The following GRID2 variants were observed in gnomAD, a reference collection of about 807,000 sequenced individuals.
GRID2 encodes the protein glutamate receptor ionotropic, delta-2.
GRID2 carries 33 observed loss-of-function variants against 114.8 expected under a neutral mutation model. That is an observed-to-expected ratio of 0.29 (90% confidence interval 0.22 to 0.38). The LOEUF (loss-of-function observed/expected upper bound fraction) is 0.38. Among genes scored for constraint, GRID2 ranks in the 10% least tolerant of loss-of-function variants. GRID2 has a pLI of 1.00. For missense variants in GRID2, 1,184 were observed against 1,257.7 expected, an observed-to-expected ratio of 0.94 and a Z score of 0.89; for synonymous variants, 505 against 449.9, an observed-to-expected ratio of 1.12 and a Z score of -1.55.
chr4:92,346,431 C>G (rs1332034257), intron 1 of GRID2, among the ~76,000 whole-genome samples: 5 of 152,086 alleles, frequency 3.3e-5, no homozygotes, highest in Non-Finnish European at 1.5e-5. Context: ...GTGGTGCAGT[C>G]TCGGCTCACT....
intron 9 of GRID2, among the ~76,000 whole-genome samples, chr4:93,404,890 T>C (rs1385026947): frequency 6.6e-6 from 1 of 152,126 alleles, no homozygotes; most frequent in Non-Finnish European, 1.5e-5. Flanking sequence ...TCAAATATTT[T>C]CTGAAGTATA....
At chr4:93,534,981 G>A (rs1317287358) in intron 13 of GRID2, among the ~76,000 whole-genome samples, 1 of 151,500 alleles carries the variant, frequency 6.6e-6, no homozygotes, top group African/African-American at 2.4e-5. Flanking sequence ...TTAAATGAAA[G>A]TAAAATATGT....
chr4:92,567,390 T>G (rs1727387456), intron 1 of GRID2, among the ~76,000 whole-genome samples: 1 of 152,016 alleles, frequency 6.6e-6, no homozygotes, highest in Non-Finnish European at 1.5e-5. Flanking sequence ...CATTTGCCAC[T>G]TCTATAGGAA....
intron 4 of GRID2, among the ~76,000 whole-genome samples, chr4:93,136,748 A>T (rs996132585): frequency 6.6e-6 from 1 of 152,170 alleles, no homozygotes; most frequent in Non-Finnish European, 1.5e-5. Context: ...TTTAGAATCA[A>T]CTATAGTACT....
At chr4:93,637,470 C>A (rs756015538) in intron 14 of GRID2, among the ~76,000 whole-genome samples, 14 of 152,130 alleles carry the variant, frequency 9.2e-5, no homozygotes, top group Non-Finnish European at 1.9e-4. Flanking sequence ...AGAACATGCA[C>A]CAGTGCTGGA....
chr4:93,757,550 C>T (rs536254264), intron 14 of GRID2, among the ~76,000 whole-genome samples: 1 of 152,366 alleles, frequency 6.6e-6, no homozygotes, highest in South Asian at 2.1e-4. Context: ...TTGCACGGTG[C>T]CTTCTCTTGT....
chr4:92,527,932 G>T (rs762437006), intron 1 of GRID2, among the ~76,000 whole-genome samples: 2 of 152,000 alleles, frequency 1.3e-5, no homozygotes, highest in Admixed American at 6.6e-5. Context: ...AGGTTACAGT[G>T]CTCCATTCTT....
intron 14 of GRID2, among the ~76,000 whole-genome samples, chr4:93,626,703 G>GT (rs1267810453): frequency 3.9e-5 from 6 of 152,202 alleles, no homozygotes; most frequent in African/African-American, 1.4e-4. Flanking sequence ...GGAAAAGAAA[G>GT]TAGGTGTGTT....
chr4:93,326,065 G>A (rs116379828), intron 8 of GRID2, among the ~76,000 whole-genome samples: 293 of 152,238 alleles, frequency 1.9e-3, no homozygotes, highest in African/African-American at 6.9e-3. Context: ...CATAAGGTAT[G>A]CGTAATATAA....
intron 2 of GRID2, among the ~76,000 whole-genome samples, chr4:92,680,892 T>A (rs1008681338): frequency 6.6e-6 from 1 of 152,148 alleles, no homozygotes; most frequent in African/African-American, 2.4e-5. Context: ...ATTGGAAATG[T>A]AAAGCATGAA....
At chr4:92,603,515 C>A (rs1579665312) in intron 2 of GRID2, among the ~76,000 whole-genome samples, 2 of 151,820 alleles carry the variant, frequency 1.3e-5, no homozygotes. Flanking sequence ...TGAAACTGGA[C>A]CCCTTTCTTA....
intron 1 of GRID2, among the ~76,000 whole-genome samples, chr4:92,450,965 G>T (rs1435833956): frequency 6.7e-6 from 1 of 150,196 alleles, no homozygotes; most frequent in Non-Finnish European, 1.5e-5. Flanking sequence ...TTATTATAGT[G>T]ACCATACAAA....
chr4:92,449,475 G>T (rs1720771281), intron 1 of GRID2, among the ~76,000 whole-genome samples: 1 of 151,208 alleles, frequency 6.6e-6, no homozygotes, highest in Admixed American at 6.6e-5. Flanking sequence ...TCCATGTGTG[G>T]GAAATACATT....
At position 92,997,544 on chromosome 4, in the gene GRID2, T is replaced by C. The variant is rs146233366; in HGVS notation, c.245-87451T>C. ...AACAGTTTCTTGGAAGAAATTGTTATAGCACATCCTTAACCTCAGGTAGCT... is the reference window on the plus strand; with the variant it reads ...AACAGTTTCTTGGAAGAAATTGTTACAGCACATCCTTAACCTCAGGTAGCT... On this transcript the variant is annotated intron_variant, in intron 2 of 15. Transcript: ENST00000282020. Among the ~76,000 whole-genome samples, 21 of 152,280 alleles carry C rather than the reference T, an allele frequency of 1.4e-4. No individual in the cohort carries two copies. The East Asian group carries it at 3.9e-3, about 28-fold the overall frequency.
At chr4:93,532,216 T>A (rs1731521163) in intron 13 of GRID2, among the ~76,000 whole-genome samples, 1 of 152,176 alleles carries the variant, frequency 6.6e-6, no homozygotes, top group African/African-American at 2.4e-5. Flanking sequence ...AATGAATACA[T>A]GTATTTTAAT....
At position 93,071,866 on chromosome 4, in the gene GRID2, G is replaced by A. The variant is rs533328447; in HGVS notation, c.245-13129G>A. Among the ~76,000 whole-genome samples, 284 of 151,808 alleles carry A rather than the reference G, an allele frequency of 1.9e-3. 1 individual carries two copies. The highest frequency in any genetic ancestry group is 6.8e-3 in the African/African-American group (280 of 41,420). ...GTCAATATATAAAATATTCATAAAA[G>A]AAAAAAAATTATCCATGGAGCTATT... On this transcript the variant is annotated intron_variant, in intron 2 of 15. Transcript: ENST00000282020.
chr4:92,603,975 AAAC>A (rs1414125272), intron 2 of GRID2, among the ~76,000 whole-genome samples: 1 of 151,002 alleles, frequency 6.6e-6, no homozygotes, highest in Non-Finnish European at 1.5e-5. Flanking sequence ...ATGCAAATCA[AAAC>A]AACAATGAGA....
Position 92,802,246 on chromosome 4 carries a change from T to C in GRID2, c.244+211960T>C, listed in dbSNP as rs189444853. 3.5e-3 allele frequency among the ~76,000 whole-genome samples: 525 copies of C among 151,984 alleles called. 1 individual carries two copies. The highest frequency in any genetic ancestry group is 5.6e-3 in the Non-Finnish European group (380 of 67,886). ...ACAGCCTTCTCCATTATCAACATCA[T>C]ACACAAGAATGGTGCATTTGTTAAA... On this transcript the variant is annotated intron_variant, in intron 2 of 15. Transcript: ENST00000282020.
At chr4:92,892,628 GT>G (rs1746870062) in intron 2 of GRID2, among the ~76,000 whole-genome samples, 1 of 152,156 alleles carries the variant, frequency 6.6e-6, no homozygotes, top group Non-Finnish European at 1.5e-5. Context: ...CCATCACATT[GT>G]TAATGCACTC....
Sources: gnomAD v4.1 joint callset for allele counts (sites outside exome capture counted in the v4.1 genomes callset) on GRCh38, gnomAD v4.1.1 for gene constraint, MANE v1.5 for transcripts, NCBI Gene and HGNC (gene_info 2026-07-23, HGNC 2026-07-21) for gene names.